LAMA2: variants seen among roughly 807,000 people sequenced by gnomAD.
LAMA2 encodes the protein laminin subunit alpha-2.
Under a neutral mutation model 364.8 loss-of-function variants are expected in LAMA2, and 269 were observed. That is an observed-to-expected ratio of 0.74 (90% CI 0.67 to 0.82). The LOEUF (loss-of-function observed/expected upper bound fraction) is 0.82, where lower values mean the gene tolerates loss of function less well. Ranked by LOEUF, LAMA2 falls within the 40% of genes least tolerant of loss-of-function variation. The pLI, the probability that LAMA2 is intolerant of heterozygous loss-of-function variation, is 0.00. For synonymous variants in LAMA2, 1,379 were observed against 1,370.6 expected (o/e 1.01, Z -0.14); for missense variants, 3,807 against 3,873.2 (o/e 0.98, Z 0.45).
At chr6:128,924,010 T>C (rs1562834972) in intron 1 of LAMA2, among the ~76,000 whole-genome samples, 1 of 152,142 alleles carries the variant, frequency 6.6e-6, no homozygotes, top group South Asian at 2.1e-4. Flanking sequence ...CAGATGCCCC[T>C]CTTAACTGCA....
intron 54 of LAMA2, 49 bp downstream of exon 54, chr6:129,478,862 C>CTTACT (rs1562601250): frequency 1.3e-6 from 2 of 1,542,952 alleles, no homozygotes; most frequent in East Asian, 4.5e-5. Flanking sequence ...TCAGATTTCA[C>CTTACT]TTACTTAGTG....
chr6:129,105,538 C>T (rs1344998324), intron 4 of LAMA2, among the ~76,000 whole-genome samples: 1 of 152,136 alleles, frequency 6.6e-6, no homozygotes, highest in Non-Finnish European at 1.5e-5. Flanking sequence ...TGTCTGTATT[C>T]CTGGCTTAAT....
At chr6:129,396,850 G>A (rs1474368661) in intron 37 of LAMA2, among the ~76,000 whole-genome samples, 1 of 151,870 alleles carries the variant, frequency 6.6e-6, no homozygotes. Flanking sequence ...GGTGGTGCAT[G>A]CCTGTGGTCC....
intron 1 of LAMA2, among the ~76,000 whole-genome samples, chr6:129,034,326 T>C (rs74737886): frequency 0.034 from 5,160 of 152,098 alleles, 263 homozygotes; most frequent in African/African-American, 0.11. Flanking sequence ...TAACAAGTAT[T>C]TGGAGGAGTT....
chr6:129,516,482 T>C lies in LAMA2; in HGVS notation c.*135T>C. 1.1e-6 allele frequency: 1 copy of C among 872,286 alleles called. No individual in the cohort carries two copies. Among genetic ancestry groups the C allele is most frequent in the South Asian group, 1.5e-5 (1 of 68,580 alleles). The allele number at this position is 872,286 out of a possible 1,614,324, so 54.0% of individuals were successfully genotyped here. ...TAGAATTCTTTCTGTATTCAGATGGTGCTAATTCAGACTCCAGACTGAATT... is the reference window on the plus strand; with the variant it reads ...TAGAATTCTTTCTGTATTCAGATGGCGCTAATTCAGACTCCAGACTGAATT... On this transcript the variant is annotated 3_prime_UTR_variant, in exon 65 of 65. Coordinates refer to ENST00000421865, the MANE Select transcript of LAMA2 (RefSeq NM_000426.4).
chr6:129,448,372 C>T (rs1240104586), intron 45 of LAMA2, among the ~76,000 whole-genome samples: 1 of 152,114 alleles, frequency 6.6e-6, no homozygotes, highest in Non-Finnish European at 1.5e-5. Context: ...AAGAAATTCC[C>T]AATCAGTTTT....
chr6:129,150,938 G>A (rs759705276), intron 7 of LAMA2, among the ~76,000 whole-genome samples: 1 of 152,040 alleles, frequency 6.6e-6, no homozygotes, highest in Non-Finnish European at 1.5e-5. Flanking sequence ...GTTTAATTTG[G>A]ATTTTCATCA....
At position 129,403,791 on chromosome 6, in the gene LAMA2, T is replaced by C. The variant is rs1282894302; in HGVS notation, c.5727-30T>C. On this transcript the variant is annotated intron_variant, in intron 39 of 64. Coordinates refer to ENST00000421865, the MANE Select transcript of LAMA2 (RefSeq NM_000426.4). ...TTCATTTGAGTACCATTGAGTGCCC[T>C]GACATTCCTTTTTTGAATCATCCCA... The C allele has an allele frequency of 8.1e-6, 13 of 1,604,442 alleles. No individual in the cohort carries two copies. The Admixed American group carries it at 2.2e-4, about 27-fold the overall frequency.
chr6:129,123,684 A>G (rs1342119418), intron 4 of LAMA2, among the ~76,000 whole-genome samples: 1 of 152,204 alleles, frequency 6.6e-6, no homozygotes, highest in African/African-American at 2.4e-5. Context: ...TAAAATAGTC[A>G]AAACTCAGAA....
At chr6:129,340,917 T>A (rs1388546382) in intron 29 of LAMA2, among the ~76,000 whole-genome samples, 1 of 151,942 alleles carries the variant, frequency 6.6e-6, no homozygotes, top group Non-Finnish European at 1.5e-5. Context: ...CCAGATTCAT[T>A]TCACATTGTT....
chr6:128,961,450 A>G (rs1186426789), intron 1 of LAMA2, among the ~76,000 whole-genome samples: 1 of 144,430 alleles, frequency 6.9e-6, no homozygotes, highest in African/African-American at 2.6e-5. Context: ...TTAAGTGTTA[A>G]CTTACTCGAT....
chr6:129,465,348 T>C (rs770771202), intron 51 of LAMA2, 59 bp downstream of exon 51: 3 of 1,316,696 alleles, frequency 2.3e-6, no homozygotes, highest in Non-Finnish European at 3.3e-6. Flanking sequence ...AAAGTGCACA[T>C]GTACCTGATC....
intron 2 of LAMA2, among the ~76,000 whole-genome samples, chr6:129,050,625 A>T (rs1247336029): frequency 1.3e-5 from 2 of 152,174 alleles, no homozygotes; most frequent in Non-Finnish European, 2.9e-5. Flanking sequence ...AGGGTATGAG[A>T]TAAACAGGTA....
At chr6:129,102,008 A>C (rs1206535245) in intron 4 of LAMA2, among the ~76,000 whole-genome samples, 1 of 151,902 alleles carries the variant, frequency 6.6e-6, no homozygotes, top group Non-Finnish European at 1.5e-5. Flanking sequence ...GATTACTTCT[A>C]GTTCATTAAT....
chr6:129,393,249 A>G lies in LAMA2; in HGVS notation c.5439A>G (p.Ala1813=), dbSNP rs1014635278. The G allele has an allele frequency of 4.3e-6, 7 of 1,612,492 alleles. No individual in the cohort carries two copies. The Admixed American group carries it at 8.3e-5, about 19-fold the overall frequency. Residue 1813 remains alanine, a synonymous_variant, in exon 37 of 65, where the codon GCA becomes GCG. Transcript: ENST00000421865. Reference sequence around the variant, plus strand: ...CAGTAAATCAGAAAAACATGACTGCATTGGAGGTGAGTCTTAGGGGCACTT... The same window carrying G: ...CAGTAAATCAGAAAAACATGACTGCGTTGGAGGTGAGTCTTAGGGGCACTT... The part of the protein sequence containing the change: ...LFAVNQKNMT[A]LEKKKEAVES...
chr6:128,964,135 A>C (rs1781703895), intron 1 of LAMA2, among the ~76,000 whole-genome samples: 1 of 152,060 alleles, frequency 6.6e-6, no homozygotes, highest in Non-Finnish European at 1.5e-5. Context: ...TTGTCGACTG[A>C]AATGGTATCA....
intron 40 of LAMA2, among the ~76,000 whole-genome samples, chr6:129,420,808 C>T: frequency 6.6e-6 from 1 of 152,110 alleles, no homozygotes; most frequent in Non-Finnish European, 1.5e-5. Flanking sequence ...CTGATAAACT[C>T]TAACTTGCCT....
chr6:129,297,306 TAATC>T (rs1233980667), intron 20 of LAMA2, among the ~76,000 whole-genome samples: 1 of 152,186 alleles, frequency 6.6e-6, no homozygotes, highest in Non-Finnish European at 1.5e-5. Flanking sequence ...GATCTGAAAG[TAATC>T]AATTCAGATT....
chr6:128,906,032 C>T (rs1324674337), intron 1 of LAMA2, among the ~76,000 whole-genome samples: 20 of 149,756 alleles, frequency 1.3e-4, no homozygotes, highest in African/African-American at 4.0e-4. Context: ...TCCAGTCTAT[C>T]GTTGTTGGAC....
Sources: gnomAD v4.1 joint callset for allele counts (sites outside exome capture counted in the v4.1 genomes callset) on GRCh38, gnomAD v4.1.1 for gene constraint, MANE v1.5 for transcripts, NCBI Gene and HGNC (gene_info 2026-07-23, HGNC 2026-07-21) for gene names.